The following CTDP1 variants were observed in gnomAD, a reference collection of about 807,000 sequenced individuals.
CTDP1 encodes CTD phosphatase 1.
CTDP1 carries 47 observed loss-of-function variants against 91.8 expected under a neutral mutation model. The observed-to-expected ratio is 0.51, with a 90% CI of 0.41 to 0.65. CTDP1 has a LOEUF of 0.65. Among genes scored for constraint, CTDP1 ranks in the 30% least tolerant of loss-of-function variants. The pLI, the probability that CTDP1 is intolerant of heterozygous loss-of-function variation, is 0.00. For missense variants in CTDP1, 1,272 were observed against 1,373.7 expected (o/e 0.93, Z 1.17); for synonymous variants, 656 against 598.5 (o/e 1.10, Z -1.40).
At chr18:79,723,570 C>T (rs1314798614) in intron 10 of CTDP1, among the ~76,000 whole-genome samples, 3 of 152,166 alleles carry the variant, frequency 2.0e-5, no homozygotes, top group Non-Finnish European at 4.4e-5. Context: ...TGAGTGGGAA[C>T]ATTCAGTTTT....
chr18:79,678,355 A>G (rs1007940244), upstream of CTDP1: 1 of 152,132 alleles, frequency 6.6e-6, no homozygotes, highest in African/African-American at 2.4e-5. Flanking sequence ...CTATACCCAC[A>G]CTCAATAGCT....
At chr18:79,696,532 G>A (rs2122498145) in intron 3 of CTDP1, among the ~76,000 whole-genome samples, 1 of 152,258 alleles carries the variant, frequency 6.6e-6, no homozygotes, top group South Asian at 2.1e-4. Context: ...TAGGGGCGGG[G>A]GGACGTGGTT....
intron 11 of CTDP1, among the ~76,000 whole-genome samples, chr18:79,733,870 T>C (rs1320663906): frequency 6.6e-6 from 1 of 152,226 alleles, no homozygotes; most frequent in African/African-American, 2.4e-5. Context: ...TCTGCTGTTA[T>C]CTGTATTTGC....
At chr18:79,731,236 CAG>C (rs1268305799) in intron 11 of CTDP1, among the ~76,000 whole-genome samples, 2 of 152,174 alleles carry the variant, frequency 1.3e-5, no homozygotes, top group Non-Finnish European at 2.9e-5. Context: ...TGCAGCCCGT[CAG>C]GGGGCCTTTG....
chr18:79,741,164 G>A (rs1285762449), intron 12 of CTDP1, among the ~76,000 whole-genome samples: 1 of 143,114 alleles, frequency 7.0e-6, no homozygotes, highest in Non-Finnish European at 1.5e-5. Flanking sequence ...CTGTCCCTGA[G>A]CCCGTGGTTG....
At chr18:79,719,480 C>T (rs1302663184) in intron 10 of CTDP1, among the ~76,000 whole-genome samples, 1 of 152,170 alleles carries the variant, frequency 6.6e-6, no homozygotes, top group East Asian at 1.9e-4. Context: ...GAGATGATGT[C>T]ATCCCTGATG....
chr18:79,733,905 A>G (rs998635960), intron 11 of CTDP1, among the ~76,000 whole-genome samples: 4 of 152,110 alleles, frequency 2.6e-5, no homozygotes, highest in African/African-American at 9.7e-5. Context: ...TCCAACACTT[A>G]GGTATGAATT....
chr18:79,729,109 G>T (rs374052888), intron 11 of CTDP1, 40 bp downstream of exon 11: 2 of 1,610,928 alleles, frequency 1.2e-6, no homozygotes, highest in Admixed American at 3.3e-5. Flanking sequence ...GCCAGCGCTC[G>T]TGCTGGGGCC....
In CTDP1 at chr18:79,713,905, G is replaced by C. The variant is rs559613958; in HGVS notation, c.1031-586G>C. Among the ~76,000 whole-genome samples, 2 of 148,242 alleles carry C rather than the reference G, an allele frequency of 1.3e-5. No individual in the cohort carries two copies. Among genetic ancestry groups the C allele is most frequent in the South Asian group, 2.1e-4 (1 of 4,664 alleles). ...GGGCTTACGGCCACGGTGGCGCCAG[G>C]TCTGCAGGGGCTTACGGCCACGGTG... is the stretch of plus-strand genomic sequence containing the variant. On this transcript the variant is annotated intron_variant, in intron 7 of 12. Coordinates refer to ENST00000613122, the MANE Select transcript of CTDP1 (RefSeq NM_004715.5). The surrounding 1 kb of genome is among the most constrained non-coding windows in gnomAD (Gnocchi z 4.7).
chr18:79,692,920 C>G (rs1304589293), intron 1 of CTDP1, among the ~76,000 whole-genome samples: 1 of 152,212 alleles, frequency 6.6e-6, no homozygotes, highest in African/African-American at 2.4e-5. Context: ...GGGGTTGCTG[C>G]CAGGACTGGG....
rs2086670840 is a variant in CTDP1, at chr18:79,736,521, G to A, written c.2747G>A (p.Arg916Lys). The A allele has an allele frequency of 6.5e-7, 1 of 1,542,478 alleles. No homozygotes were observed. The highest frequency in any genetic ancestry group is 1.2e-5 in the South Asian group (1 of 83,748). ...AGCGCGGCAGGGGGCCGGGGGCCCA[G>A]GTGAGTGCGGGGTCTGAGGTGGGAG... ...ERSAAGGRGP[R>K]GHKRKLNEED... The change falls in exon 12 of 13, where the codon AGA becomes AAA. Residue 916 changes from arginine to lysine, a missense_variant and splice_region_variant. By Grantham distance (26) the Arg-to-Lys change is conservative (BLOSUM62 2). Coordinates refer to ENST00000613122, the MANE Select transcript of CTDP1 (RefSeq NM_004715.5).
At chr18:79,711,791 G>A (rs546618788) in intron 6 of CTDP1, among the ~76,000 whole-genome samples, 4 of 152,262 alleles carry the variant, frequency 2.6e-5, no homozygotes, top group South Asian at 2.1e-4. Flanking sequence ...AGGGCAGGCC[G>A]CTCCCCGCCC....
chr18:79,692,257 C>T (rs1205583555), intron 1 of CTDP1, among the ~76,000 whole-genome samples: 8 of 152,036 alleles, frequency 5.3e-5, no homozygotes, highest in Non-Finnish European at 1.2e-4. Flanking sequence ...TGTGTGAAGC[C>T]CCACTGGCTG....
intron 4 of CTDP1, among the ~76,000 whole-genome samples, chr18:79,700,475 C>T (rs2085835659): frequency 6.6e-6 from 1 of 152,204 alleles, no homozygotes; most frequent in African/African-American, 2.4e-5. Flanking sequence ...TCACAACATT[C>T]CCTTAAGCCA....
intron 1 of CTDP1, among the ~76,000 whole-genome samples, chr18:79,687,492 G>T (rs1264639925): frequency 9.5e-5 from 11 of 115,568 alleles, no homozygotes; most frequent in Admixed American, 1.7e-4. Flanking sequence ...AGTTGGCTTC[G>T]TCAGTTCACT....
chr18:79,704,237 C>G (rs1941030794), intron 4 of CTDP1, among the ~76,000 whole-genome samples: 1 of 152,208 alleles, frequency 6.6e-6, no homozygotes, highest in Non-Finnish European at 1.5e-5. Context: ...GGGTCACGTC[C>G]TTATTTGGAG....
chr18:79,712,699 G>A (rs541743319), intron 6 of CTDP1, among the ~76,000 whole-genome samples: 10 of 152,266 alleles, frequency 6.6e-5, no homozygotes, highest in East Asian at 1.9e-4. Context: ...TTTCGTCCCC[G>A]TGGCCCGTAA....
chr18:79,687,974 T>C (rs755334156), intron 1 of CTDP1, among the ~76,000 whole-genome samples: 3 of 152,178 alleles, frequency 2.0e-5, no homozygotes, highest in Admixed American at 6.5e-5. Flanking sequence ...TGTTGAAGCT[T>C]TCCAGCCACG....
At position 79,732,642 on chromosome 18, in the gene CTDP1, G is replaced by A. The variant is rs112748947; in HGVS notation, c.2580+3573G>A. ...ACATCAGGAGTGCTCCCAAAATCAC[G>A]TGAGACGTAAGAACTCACTGTCATC... On this transcript the variant is annotated intron_variant, in intron 11 of 12. Transcript: ENST00000613122. Among the ~76,000 whole-genome samples, 389 of 145,332 alleles carry A rather than the reference G, an allele frequency of 2.7e-3. 1 individual carries two copies. The highest frequency in any genetic ancestry group is 9.4e-3 in the African/African-American group (368 of 39,128).
Sources: gnomAD v4.1 joint callset for allele counts (sites outside exome capture counted in the v4.1 genomes callset) on GRCh38, gnomAD v4.1.1 for gene constraint, Gnocchi (gnomAD v3.1) non-coding constraint, MANE v1.5 for transcripts, NCBI Gene and HGNC (gene_info 2026-07-23, HGNC 2026-07-21) for gene names.